Variants in LCP2 observed in about 807,000 individuals in gnomAD.
The protein encoded by LCP2 is 76 kDa tyrosine phosphoprotein.
LCP2 carries 29 observed loss-of-function variants against 74.5 expected under a neutral mutation model. That is an observed-to-expected ratio of 0.39 (90% CI 0.29 to 0.53). The LOEUF (loss-of-function observed/expected upper bound fraction) is 0.53. LCP2 is among the 20% of genes least tolerant of loss of function. The pLI is 0.72. For missense variants in LCP2, 604 were observed against 634.6 expected, an observed-to-expected ratio of 0.95 and a Z score of 0.52; for synonymous variants, 228 against 229.5, an observed-to-expected ratio of 0.99 and a Z score of 0.06.
At chr5:170,249,410 T>C (rs1424711067) in intron 20 of LCP2, among the ~76,000 whole-genome samples, 1 of 150,570 alleles carries the variant, frequency 6.6e-6, no homozygotes, top group African/African-American at 2.4e-5. Context: ...ATATATGTAA[T>C]TTGAAATGCA....
At chr5:170,264,436 A>G (rs1434460638) in intron 10 of LCP2, among the ~76,000 whole-genome samples, 2 of 152,210 alleles carry the variant, frequency 1.3e-5, no homozygotes, top group Non-Finnish European at 2.9e-5. Flanking sequence ...ATCTCCCTGG[A>G]GTTGTATTTT....
At chr5:170,254,684 C>A (rs988303070) in intron 17 of LCP2, among the ~76,000 whole-genome samples, 1 of 152,166 alleles carries the variant, frequency 6.6e-6, no homozygotes, top group Non-Finnish European at 1.5e-5. Flanking sequence ...AACCAAGGCC[C>A]GCATTGCATG....
At chr5:170,275,715 A>G in intron 4 of LCP2, 80 bp downstream of exon 4, 1 of 1,236,534 alleles carries the variant, frequency 8.1e-7, no homozygotes, top group Non-Finnish European at 1.2e-6. Context: ...AAAGTAGGGC[A>G]AAAACAGTTC....
intron 7 of LCP2, among the ~76,000 whole-genome samples, chr5:170,269,969 C>G (rs1362437766): frequency 3.9e-5 from 6 of 152,216 alleles, no homozygotes; most frequent in Non-Finnish European, 7.3e-5. Flanking sequence ...ATGGGTTATA[C>G]CGCATAAAGG....
chr5:170,261,596 TA>T (rs1373349510), intron 13 of LCP2, among the ~76,000 whole-genome samples: 2 of 152,234 alleles, frequency 1.3e-5, no homozygotes, highest in East Asian at 3.9e-4. Context: ...GCTCTTGCTT[TA>T]AAACAGCCCT....
intron 3 of LCP2, among the ~76,000 whole-genome samples, chr5:170,276,635 G>A (rs972200097): frequency 4.6e-5 from 7 of 152,150 alleles, no homozygotes; most frequent in Middle Eastern, 3.4e-3. Flanking sequence ...GGGCTTTGCC[G>A]ACAGAACCAT....
In LCP2 at chr5:170,250,739, T is replaced by C; in HGVS notation, c.1470A>G (p.Arg490=). ...SQVYLLGTGL[R]GKEDFLSVSD... ...AATTTGAAATCCTTACCTCTTTCCCTCGGAGTCCAGTTCCCAACAAGTAAA... is the reference window on the plus strand; with the variant it reads ...AATTTGAAATCCTTACCTCTTTCCCCCGGAGTCCAGTTCCCAACAAGTAAA... The change falls in exon 20 of 21, where the codon CGA becomes CGG. Residue 490 remains arginine (R), a synonymous_variant. Coordinates refer to ENST00000046794, the MANE Select transcript of LCP2 (RefSeq NM_005565.5). 1 of 1,613,164 alleles carries C rather than the reference T, an allele frequency of 6.2e-7. No individual in the cohort carries two copies.
rs1269409218 is a variant in LCP2 at position 170,248,963 on chromosome 5, TTTAATGATTTCTGC to T, written c.1480-158_1480-145del. 7.8e-6 allele frequency: 6 copies of T among 768,896 alleles called. No individual in the cohort carries two copies. The African/African-American group carries it at 1.1e-4, about 14-fold the overall frequency. 47.6% of individuals were successfully genotyped at this position (768,896 alleles called of 1,614,324 possible). On this transcript the variant is annotated intron_variant, in intron 20 of 20. Transcript: ENST00000046794. ...GAAAAAATGTAAATGTGGCAATTAG[TTTAATGATTTCTGC>T]TATAGAACTTTGAAAAAATTCCTCA...
At chr5:170,266,541 G>A (rs1180965594) in intron 10 of LCP2, among the ~76,000 whole-genome samples, 1 of 152,196 alleles carries the variant, frequency 6.6e-6, no homozygotes, top group Non-Finnish European at 1.5e-5. Context: ...AAGCAGCACA[G>A]CCCCCAGAAG....
intron 2 of LCP2, among the ~76,000 whole-genome samples, chr5:170,289,062 A>T (rs749715951): frequency 5.3e-5 from 8 of 152,328 alleles, no homozygotes; most frequent in Middle Eastern, 6.8e-3. Context: ...ATTTTGGTTC[A>T]TTCACTTAGC....
intron 3 of LCP2, among the ~76,000 whole-genome samples, chr5:170,284,753 CTT>C (rs35520354): frequency 1.4e-4 from 19 of 137,820 alleles, no homozygotes; most frequent in Admixed American, 2.9e-4. Context: ...TTCCTTGATG[CTT>C]TTTTTTTTTT....
intron 18 of LCP2, 172 bp from the exon 19 acceptor site, chr5:170,252,683 ATAT>A (rs1265360530): frequency 1.8e-6 from 1 of 558,326 alleles, no homozygotes; most frequent in Non-Finnish European, 3.2e-6. Context: ...TAAATAGAAG[ATAT>A]TTTGTGCGAA....
At chr5:170,278,503 TG>T (rs1359116029) in intron 3 of LCP2, among the ~76,000 whole-genome samples, 1 of 1,990 alleles carries the variant, frequency 5.0e-4, no homozygotes, top group Non-Finnish European at 1.0e-3. Context: ...AGTGCAGGGG[TG>T]GGGGGCTGGG....
chr5:170,293,477 T>A, intron 1 of LCP2, 105 bp from the exon 2 acceptor site: 1 of 1,095,576 alleles, frequency 9.1e-7, no homozygotes, highest in South Asian at 1.4e-5. Flanking sequence ...TACTTGTGGC[T>A]AGCCAGGCTC....
chr5:170,289,264 G>A (rs1762235706), intron 2 of LCP2, among the ~76,000 whole-genome samples: 2 of 152,214 alleles, frequency 1.3e-5, no homozygotes, highest in African/African-American at 4.8e-5. Context: ...GTAAGATGAG[G>A]AATTACTACC....
At chr5:170,291,014 G>A (rs2662148) in intron 2 of LCP2, among the ~76,000 whole-genome samples, 5 of 144,014 alleles carry the variant, frequency 3.5e-5, no homozygotes, top group African/African-American at 8.0e-5. Flanking sequence ...GAAAGAAAGA[G>A]AGAAAGAAAG....
chr5:170,280,002 T>C (rs951553774), intron 3 of LCP2, among the ~76,000 whole-genome samples: 3 of 151,586 alleles, frequency 2.0e-5, no homozygotes, highest in Admixed American at 2.0e-4. Context: ...GGGGAAGGGG[T>C]ATAGAATAGA....
rs978586751 is a variant in LCP2, at chr5:170,292,273, G to A, written c.141+1037C>T. Among the ~76,000 whole-genome samples, 5 of 152,300 alleles carry A rather than the reference G, an allele frequency of 3.3e-5. No homozygotes were observed. The East Asian group carries it at 7.7e-4, about 23-fold the overall frequency. Reference sequence around the variant, plus strand: ...ATAAACATGTCTTACATGGCACCTGGAAGCAAAACTCAGACCAATAGGAGC... The same window carrying A: ...ATAAACATGTCTTACATGGCACCTGAAAGCAAAACTCAGACCAATAGGAGC... On this transcript the variant is annotated intron_variant, in intron 2 of 20. Transcript: ENST00000046794.
rs141439098 is a variant in LCP2, at chr5:170,289,964, G to T, written c.142-1948C>A. Among the ~76,000 whole-genome samples the T allele has an allele frequency of 9.4e-3, 1,425 of 152,192 alleles. 9 individuals carry two copies. Among genetic ancestry groups the T allele is most frequent in the Non-Finnish European group, 0.016 (1,068 of 68,018 alleles). ...GCGTAAGCTGAGGGAATTTCAGGAA[G>T]ATTGTGGAGGAGGAGGTGGACATGA... On this transcript the variant is annotated intron_variant, in intron 2 of 20. Coordinates refer to ENST00000046794, the MANE Select transcript of LCP2 (RefSeq NM_005565.5).
Sources: allele counts gnomAD v4.1 joint callset (sites outside exome capture counted in the v4.1 genomes callset), GRCh38; gene constraint gnomAD v4.1.1; transcripts MANE v1.5; gene names NCBI Gene and HGNC (gene_info 2026-07-23, HGNC 2026-07-21).